The following RBM11 variants were observed in gnomAD, a reference collection of about 807,000 sequenced individuals.
RBM11 encodes the protein RNA binding motif protein 11.
Under a neutral mutation model 21.4 loss-of-function variants are expected in RBM11, and 18 were observed. That is an observed-to-expected ratio of 0.84 (90% CI 0.58 to 1.25). The LOEUF (loss-of-function observed/expected upper bound fraction) is 1.25. Among genes scored for constraint, RBM11 ranks in the 50% most tolerant of loss-of-function variants. The probability of loss-of-function intolerance (pLI) is 0.00; values close to 1 mark genes in which losing one functional copy is unlikely to be tolerated. For missense variants in RBM11, 294 were observed against 331.9 expected (o/e 0.89, Z 0.89); for synonymous variants, 120 against 116.3 (o/e 1.03, Z -0.20).
chr21:14,216,959 C>G (rs980172481), intron 1 of RBM11, among the ~76,000 whole-genome samples: 3 of 152,294 alleles, frequency 2.0e-5, no homozygotes, highest in Admixed American at 6.5e-5. Flanking sequence ...AGCCATTCCC[C>G]TAACCGTGTA....
chr21:14,227,028 C>T lies in RBM11; in HGVS notation c.581C>T (p.Pro194Leu). Residue 194 changes from proline (P) to leucine (L), a missense_variant, in exon 5 of 5, where the codon CCA (proline) becomes CTA (leucine). Pro to Leu is a moderately conservative substitution (Grantham distance 98). Around this residue, in one of 2 missense-constraint regions of RBM11, gnomAD observed 113 missense variants for 167.3 expected, o/e 0.68. Coordinates refer to ENST00000400577, the MANE Select transcript of RBM11 (RefSeq NM_144770.5). ...PSSYKWTHQQ[P>L]SDSDLYQMTA... ...TCATATAAATGGACTCACCAACAAC[C>T]AAGTGACTCTGACCTTTATCAGATG... 3 of 1,613,344 alleles carry T rather than the reference C, an allele frequency of 1.9e-6. No individual in the cohort carries two copies. The South Asian group carries it at 3.3e-5, about 18-fold the overall frequency.
chr21:14,221,222 A>G lies in RBM11; in HGVS notation c.332+53A>G, dbSNP rs544961859. ...GGTAAAGCAAATATATTTTTATGCC[A>G]AGAGGAGTTTTTATATATTTTGGGC... On this transcript the variant is annotated intron_variant, in intron 3 of 4. Coordinates refer to ENST00000400577, the MANE Select transcript of RBM11 (RefSeq NM_144770.5). The G allele has an allele frequency of 2.7e-6, 4 of 1,491,754 alleles. No individual in the cohort carries two copies. In the African/African-American group the frequency reaches 4.3e-5, roughly 16 times the overall value. 92.4% of individuals were successfully genotyped at this position (1,491,754 alleles called of 1,614,324 possible). A position where few individuals can be genotyped will look rare whatever the true frequency, so the allele number is the denominator to read the frequency against.
chr21:14,226,249 A>C (rs1979074204), intron 4 of RBM11, among the ~76,000 whole-genome samples: 1 of 152,194 alleles, frequency 6.6e-6, no homozygotes, highest in South Asian at 2.1e-4. Context: ...TTTTAAATGG[A>C]TATATTGGGA....
chr21:14,220,279 C>T (rs1246470532), intron 2 of RBM11, among the ~76,000 whole-genome samples: 1 of 152,126 alleles, frequency 6.6e-6, no homozygotes, highest in African/African-American at 2.4e-5. Flanking sequence ...ACAACTTCTC[C>T]TGCACGCATA....
rs138188159 is a variant in RBM11, at chr21:14,217,004, C to T, written c.96+722C>T. On this transcript the variant is annotated intron_variant, in intron 1 of 4. Transcript: ENST00000400577. ...AATTACGGGGCAAATACTGAGGGTGCTGGGAAAACAAATTGACGAGACATC... is the reference window on the plus strand; with the variant it reads ...AATTACGGGGCAAATACTGAGGGTGTTGGGAAAACAAATTGACGAGACATC... Among the ~76,000 whole-genome samples, 820 of 152,260 alleles carry T rather than the reference C, an allele frequency of 5.4e-3. 7 individuals are homozygous for T. Among genetic ancestry groups the T allele is most frequent in the African/African-American group, 0.018 (763 of 41,552 alleles).
At chr21:14,224,041 A>G (rs1429023835) in intron 3 of RBM11, among the ~76,000 whole-genome samples, 4 of 152,186 alleles carry the variant, frequency 2.6e-5, no homozygotes, top group Non-Finnish European at 4.4e-5. Flanking sequence ...CCTGTTTGTT[A>G]TATAATACCA....
intron 1 of RBM11, among the ~76,000 whole-genome samples, chr21:14,216,543 C>T (rs1426369331): frequency 6.6e-6 from 1 of 152,142 alleles, no homozygotes; most frequent in African/African-American, 2.4e-5. Context: ...TGATTAAGGG[C>T]TTCCCAGAGG....
intron 1 of RBM11, among the ~76,000 whole-genome samples, chr21:14,216,586 C>G (rs1028464441): frequency 2.6e-5 from 4 of 152,138 alleles, no homozygotes; most frequent in Admixed American, 6.5e-5. Context: ...CGGGCAGAAC[C>G]GAAAACAGCC....
At chr21:14,224,972 T>A (rs1369800708) in intron 4 of RBM11, among the ~76,000 whole-genome samples, 1 of 151,868 alleles carries the variant, frequency 6.6e-6, no homozygotes, top group African/African-American at 2.4e-5. Context: ...TAGAAAAAAT[T>A]AACTGGGCAT....
intron 3 of RBM11, among the ~76,000 whole-genome samples, chr21:14,221,863 A>G (rs941460984): frequency 6.6e-6 from 1 of 152,222 alleles, no homozygotes; most frequent in African/African-American, 2.4e-5. Flanking sequence ...AGGCAGAAGG[A>G]CGAACTAGCT....
intron 2 of RBM11, 39 bp downstream of exon 2, chr21:14,219,764 G>A (rs1397911004): frequency 1.3e-6 from 2 of 1,512,674 alleles, no homozygotes; most frequent in Non-Finnish European, 9.0e-7. Context: ...AGTGTTTTGT[G>A]GTTGGTACTA....
intron 4 of RBM11, among the ~76,000 whole-genome samples, chr21:14,225,872 T>C (rs1979044897): frequency 6.6e-6 from 1 of 152,090 alleles, no homozygotes; most frequent in African/African-American, 2.4e-5. Flanking sequence ...AGGAAGCATC[T>C]CTCTAAACAG....
chr21:14,216,312 G>A lies in RBM11; in HGVS notation c.96+30G>A, dbSNP rs577761172. 1.4e-4 allele frequency: 216 copies of A among 1,594,110 alleles called. 3 individuals are homozygous for A. The highest frequency in any genetic ancestry group is 1.1e-3 in the South Asian group (99 of 89,428). On this transcript the variant is annotated intron_variant, in intron 1 of 4. Transcript: ENST00000400577. Reference sequence around the variant, plus strand: ...CGTCTCTGGGAAGGGGCGGCGGAGGGGCGGAGCACGTCGGGCCGGAAACAT... The same window carrying A: ...CGTCTCTGGGAAGGGGCGGCGGAGGAGCGGAGCACGTCGGGCCGGAAACAT...
chr21:14,220,565 A>C (rs1978585192), intron 2 of RBM11, among the ~76,000 whole-genome samples: 1 of 152,158 alleles, frequency 6.6e-6, no homozygotes, highest in Admixed American at 6.6e-5. Flanking sequence ...TTTCTTTTGT[A>C]ATACATGGTT....
chr21:14,216,860 G>C (rs2020458121), intron 1 of RBM11, among the ~76,000 whole-genome samples: 1 of 152,044 alleles, frequency 6.6e-6, no homozygotes, highest in East Asian at 1.9e-4. Flanking sequence ...GTACCTCTAG[G>C]ATTAAGCCTG....
Position 14,224,464 on chromosome 21 carries a change from C to T in RBM11, c.359C>T (p.Ser120Phe). The change falls in exon 4 of 5, where the codon TCT becomes TTT. Residue 120 changes from serine (S) to phenylalanine (F), a missense_variant. Ser to Phe is a radical substitution (Grantham distance 155, BLOSUM62 -2). Coordinates refer to ENST00000400577, the MANE Select transcript of RBM11 (RefSeq NM_144770.5). The stretch of plus-strand genomic sequence containing the variant: ...AATGAAGAAATGTTGGTGGGCAGAT[C>T]TTCCTTTCCCATGCAGTATTTTCCA... ...YRNEEMLVGR[S>F]SFPMQYFPIN... 6.4e-7 allele frequency: 1 copy of T among 1,561,652 alleles called. No homozygotes were observed. The highest frequency in any genetic ancestry group is 8.7e-7 in the Non-Finnish European group (1 of 1,151,416).
chr21:14,223,620 T>C (rs967290660), intron 3 of RBM11, among the ~76,000 whole-genome samples: 2 of 152,218 alleles, frequency 1.3e-5, no homozygotes, highest in African/African-American at 4.8e-5. Context: ...TATCTTCACA[T>C]GGTGTTCTTC....
intron 2 of RBM11, 84 bp downstream of exon 2, chr21:14,219,809 G>T: frequency 8.1e-7 from 1 of 1,229,830 alleles, no homozygotes. Flanking sequence ...TTCCTATGTA[G>T]TATAAGACCA....
chr21:14,216,348 T>C (rs974690119), intron 1 of RBM11, 66 bp downstream of exon 1: 5 of 1,393,884 alleles, frequency 3.6e-6, no homozygotes, highest in Non-Finnish European at 5.0e-6. Context: ...AGCGCGCACC[T>C]GGACCACCCG....
Sources: gnomAD v4.1 joint callset for allele counts (sites outside exome capture counted in the v4.1 genomes callset) on GRCh38, gnomAD v4.1.1 for gene constraint, gnomAD v4.1.1 regional missense constraint, MANE v1.5 for transcripts, NCBI Gene and HGNC (gene_info 2026-07-23, HGNC 2026-07-21) for gene names.